EXOC4: variants seen among roughly 807,000 people sequenced by gnomAD.
The protein encoded by EXOC4 is SEC8-like 1.
EXOC4 carries 71 observed loss-of-function variants against 107.2 expected under a neutral mutation model. The observed-to-expected ratio is 0.66, with a 90% CI of 0.55 to 0.81. EXOC4 has a LOEUF of 0.81. Ranked by LOEUF, EXOC4 falls within the 30% of genes least tolerant of loss-of-function variation. The pLI, the probability that EXOC4 is intolerant of heterozygous loss-of-function variation, is 0.00. For missense variants in EXOC4, 1,108 were observed against 1,189.6 expected, an observed-to-expected ratio of 0.93 and a Z score of 1.01; for synonymous variants, 456 against 441.2, an observed-to-expected ratio of 1.03 and a Z score of -0.42.
In EXOC4 at chr7:133,507,822, G is replaced by A. The variant is rs1799694017; in HGVS notation, c.1417+27684G>A. On this transcript the variant is annotated intron_variant, in intron 9 of 17. Transcript: ENST00000253861. Reference sequence around the variant, plus strand: ...CAGTACTGTAATCCCAGCACTTTGGGAGGCCGAGGCAGGTGGACCACCTAA... The same window carrying A: ...CAGTACTGTAATCCCAGCACTTTGGAAGGCCGAGGCAGGTGGACCACCTAA... Among the ~76,000 whole-genome samples, 3 of 152,258 alleles carry A rather than the reference G, an allele frequency of 2.0e-5. No individual in the cohort carries two copies. The South Asian group carries it at 6.2e-4, about 32-fold the overall frequency.
At chr7:133,798,890 A>G (rs888657975) in intron 10 of EXOC4, among the ~76,000 whole-genome samples, 5 of 152,248 alleles carry the variant, frequency 3.3e-5, no homozygotes, top group Admixed American at 6.5e-5. Context: ...AGAGGACAGT[A>G]AAAGATGAGG....
At chr7:133,597,021 C>T (rs1354002053) in intron 9 of EXOC4, among the ~76,000 whole-genome samples, 1 of 152,142 alleles carries the variant, frequency 6.6e-6, no homozygotes, top group Middle Eastern at 3.2e-3. Context: ...TTTAGTTTGT[C>T]GTCTTCAGTA....
chr7:134,076,913 A>G, the EXOC4 span, among the ~76,000 whole-genome samples: 1 of 152,160 alleles, frequency 6.6e-6, no homozygotes, highest in Non-Finnish European at 1.5e-5. Flanking sequence ...GTAACACTCC[A>G]TAACTTACAT....
chr7:133,490,116 G>A (rs1331693183), intron 9 of EXOC4, among the ~76,000 whole-genome samples: 1 of 152,138 alleles, frequency 6.6e-6, no homozygotes, highest in Non-Finnish European at 1.5e-5. Flanking sequence ...CAGCACTGAA[G>A]GAAAGCTACA....
chr7:133,376,320 G>A (rs1343420206), intron 7 of EXOC4, among the ~76,000 whole-genome samples: 1 of 152,064 alleles, frequency 6.6e-6, no homozygotes, highest in Admixed American at 6.6e-5. Flanking sequence ...TTTATGGGTT[G>A]GAGGCTGGTT....
At chr7:133,427,079 G>A (rs192062060) in intron 7 of EXOC4, among the ~76,000 whole-genome samples, 2 of 152,020 alleles carry the variant, frequency 1.3e-5, no homozygotes, top group Non-Finnish European at 2.9e-5. Context: ...TGTTTTTGAG[G>A]TATATCAAAG....
intron 7 of EXOC4, among the ~76,000 whole-genome samples, chr7:133,416,368 A>G (rs1797475108): frequency 6.6e-6 from 1 of 152,178 alleles, no homozygotes; most frequent in Admixed American, 6.5e-5. Context: ...CTAGAGTGAC[A>G]AGTTTTTTAT....
At chr7:133,729,169 G>C (rs1010756312) in intron 10 of EXOC4, among the ~76,000 whole-genome samples, 4 of 152,102 alleles carry the variant, frequency 2.6e-5, no homozygotes, top group African/African-American at 9.7e-5. Context: ...TTAGTTTCAA[G>C]AAGACCTAAA....
chr7:133,323,737 G>A (rs1795169697), intron 5 of EXOC4, among the ~76,000 whole-genome samples: 1 of 152,162 alleles, frequency 6.6e-6, no homozygotes, highest in Non-Finnish European at 1.5e-5. Flanking sequence ...AATGAGTTAG[G>A]GAGGATTCCC....
intron 11 of EXOC4, among the ~76,000 whole-genome samples, chr7:133,862,349 G>A (rs1251926370): frequency 1.3e-5 from 2 of 151,966 alleles, no homozygotes; most frequent in Non-Finnish European, 2.9e-5. Flanking sequence ...ATTAGCCAAG[G>A]TGGTGGCGCA....
intron 10 of EXOC4, among the ~76,000 whole-genome samples, chr7:133,716,010 G>A (rs1303984119): frequency 6.6e-6 from 1 of 152,188 alleles, no homozygotes; most frequent in Non-Finnish European, 1.5e-5. Flanking sequence ...AACTCTGCTG[G>A]AGAAGGTGGA....
chr7:133,432,984 A>T (rs1336204205), intron 7 of EXOC4, among the ~76,000 whole-genome samples: 2 of 152,024 alleles, frequency 1.3e-5, no homozygotes, highest in African/African-American at 4.8e-5. Context: ...CATCAATGAA[A>T]CTCCTAATCA....
At chr7:133,746,293 T>G (rs1437130246) in intron 10 of EXOC4, among the ~76,000 whole-genome samples, 2 of 152,184 alleles carry the variant, frequency 1.3e-5, no homozygotes, top group African/African-American at 4.8e-5. Context: ...TTGATTAGGA[T>G]AGTTAGTTTC....
chr7:134,009,769 A>G (rs185158923), intron 17 of EXOC4: 19 of 152,246 alleles, frequency 1.2e-4, no homozygotes, highest in Admixed American at 7.8e-4. Context: ...CCTAAATTCA[A>G]TCATCCTATT....
chr7:133,960,211 A>G (rs1800910528), intron 14 of EXOC4, among the ~76,000 whole-genome samples: 1 of 152,222 alleles, frequency 6.6e-6, no homozygotes. Flanking sequence ...AAAATTGTCC[A>G]TCATAAGAGA....
At chr7:133,592,972 C>G (rs755645424) in intron 9 of EXOC4, among the ~76,000 whole-genome samples, 2 of 152,200 alleles carry the variant, frequency 1.3e-5, no homozygotes, top group Non-Finnish European at 2.9e-5. Context: ...ATCTCAAACT[C>G]CTGACCTCAA....
chr7:133,985,389 C>T (rs558746246), intron 14 of EXOC4, among the ~76,000 whole-genome samples: 1 of 152,296 alleles, frequency 6.6e-6, no homozygotes, highest in East Asian at 1.9e-4. Context: ...TACATTACAC[C>T]TGCTCCAAGA....
chr7:133,846,345 T>G (rs1798126771), intron 11 of EXOC4, among the ~76,000 whole-genome samples: 1 of 152,202 alleles, frequency 6.6e-6, no homozygotes, highest in African/African-American at 2.4e-5. Flanking sequence ...CAGGCCAACC[T>G]GAAGTTAATC....
intron 9 of EXOC4, among the ~76,000 whole-genome samples, chr7:133,608,546 C>CTTTTT (rs1161155238): frequency 2.4e-4 from 20 of 85,012 alleles, no homozygotes; most frequent in South Asian, 4.8e-4. Flanking sequence ...TGCTGTATTT[C>CTTTTT]TTTTTTTTTT....
Sources: gnomAD v4.1 joint callset for allele counts (sites outside exome capture counted in the v4.1 genomes callset) on GRCh38, gnomAD v4.1.1 for gene constraint, MANE v1.5 for transcripts, NCBI Gene and HGNC (gene_info 2026-07-23, HGNC 2026-07-21) for gene names.